The following DNAH6 variants were observed in gnomAD, a reference collection of about 807,000 sequenced individuals.
The protein encoded by DNAH6 is axonemal beta dynein heavy chain 6.
A neutral mutation model predicts 491.4 loss-of-function variants in DNAH6; 340 were observed. The observed-to-expected ratio is 0.69, with a 90% CI of 0.63 to 0.76. The LOEUF is 0.76. Among genes scored for constraint, DNAH6 ranks in the 30% least tolerant of loss-of-function variants. The probability of loss-of-function intolerance (pLI) is 0.00; values close to 1 mark genes in which losing one functional copy is unlikely to be tolerated. For synonymous variants in DNAH6, 1,603 were observed against 1,686.1 expected (o/e 0.95, Z 1.21); for missense variants, 4,443 against 4,972.2 (o/e 0.89, Z 3.20).
At chr2:84,611,637 G>A (rs1686346381) in intron 21 of DNAH6, 37 bp from the exon 22 acceptor site, 1 of 1,485,834 alleles carries the variant, frequency 6.7e-7, no homozygotes, top group East Asian at 2.5e-5. Context: ...TTTAATTGGG[G>A]AATTAAAATT....
intron 17 of DNAH6, among the ~76,000 whole-genome samples, 152 bp downstream of exon 17, chr2:84,594,237 C>G (rs968568568): frequency 7.2e-4 from 6 of 8,288 alleles, no homozygotes; most frequent in African/African-American, 1.2e-3. Context: ...TTTTTATAAG[C>G]TTTCCAGTGA....
chr2:84,699,673 G>C lies in DNAH6; in HGVS notation c.7757G>C (p.Arg2586Pro). The change falls in exon 48 of 77, where the codon CGG becomes CCG. Residue 2586 changes from arginine to proline, a missense_variant. Arg to Pro is a moderately radical substitution (Grantham distance 103). Coordinates refer to ENST00000389394, the MANE Select transcript of DNAH6 (RefSeq NM_001370.2). ...LCMSPVGEAF[R>P]SRCRMFPSLV... The stretch of plus-strand genomic sequence containing the variant: ...ATGAGCCCAGTTGGGGAGGCCTTTC[G>C]GTCCCGATGCAGGATGTTTCCATCC... 1 of 1,551,756 alleles carries C rather than the reference G, an allele frequency of 6.4e-7. No individual in the cohort carries two copies. Among genetic ancestry groups the C allele is most frequent in the Non-Finnish European group, 8.7e-7 (1 of 1,146,992 alleles).
intron 64 of DNAH6, among the ~76,000 whole-genome samples, chr2:84,776,915 T>C (rs1019825454): frequency 6.6e-6 from 1 of 152,198 alleles, no homozygotes; most frequent in Non-Finnish European, 1.5e-5. Flanking sequence ...TATGCAGCCA[T>C]GTAAAAGGAT....
At chr2:84,620,276 A>G (rs1333578310) in intron 24 of DNAH6, among the ~76,000 whole-genome samples, 1 of 152,170 alleles carries the variant, frequency 6.6e-6, no homozygotes, top group African/African-American at 2.4e-5. Flanking sequence ...GGGGATTAGT[A>G]ATTGTATCTG....
At chr2:84,648,274 C>T (rs150683244) in intron 33 of DNAH6, among the ~76,000 whole-genome samples, 224 of 152,302 alleles carry the variant, frequency 1.5e-3, no homozygotes, top group African/African-American at 5.2e-3. Context: ...GGGAGATGTA[C>T]AAGATGAATG....
chr2:84,663,588 G>A (rs1007862505), intron 37 of DNAH6, among the ~76,000 whole-genome samples: 88 of 152,282 alleles, frequency 5.8e-4, no homozygotes, highest in African/African-American at 1.9e-3. Flanking sequence ...CAAGATATAT[G>A]GGACTGTGTG....
intron 64 of DNAH6, among the ~76,000 whole-genome samples, chr2:84,774,445 C>T: frequency 6.6e-6 from 1 of 152,036 alleles, no homozygotes; most frequent in Non-Finnish European, 1.5e-5. Context: ...GTACCAGTAC[C>T]ATGCTGCTTT....
chr2:84,766,788 C>G (rs928089676), intron 64 of DNAH6, among the ~76,000 whole-genome samples: 2 of 152,112 alleles, frequency 1.3e-5, no homozygotes, highest in Non-Finnish European at 2.9e-5. Flanking sequence ...TGAAGTGAGC[C>G]AGACATTTTG....
chr2:84,743,817 G>T (rs565115614), intron 62 of DNAH6, among the ~76,000 whole-genome samples: 12 of 152,262 alleles, frequency 7.9e-5, no homozygotes, highest in African/African-American at 2.9e-4. Context: ...GCAAGAATCT[G>T]TCTCCAAATG....
At chr2:84,798,406 G>A (rs1217801366) in intron 70 of DNAH6, among the ~76,000 whole-genome samples, 1 of 152,148 alleles carries the variant, frequency 6.6e-6, no homozygotes, top group Non-Finnish European at 1.5e-5. Context: ...CAGACCTTTG[G>A]ACTGGCAGGC....
At chr2:84,754,927 T>C (rs1052549062) in intron 63 of DNAH6, among the ~76,000 whole-genome samples, 3 of 152,244 alleles carry the variant, frequency 2.0e-5, no homozygotes, top group African/African-American at 7.2e-5. Context: ...ATGTGGTGTT[T>C]TTCCACTTAT....
intron 62 of DNAH6, among the ~76,000 whole-genome samples, chr2:84,741,992 C>T (rs558899621): frequency 6.6e-5 from 10 of 152,342 alleles, no homozygotes; most frequent in East Asian, 5.8e-4. Flanking sequence ...TTCCTGGCTG[C>T]GCAAGCTAAC....
Position 84,733,468 on chromosome 2 carries a change from C to G in DNAH6, c.10231C>G (p.Pro3411Ala). The G allele has an allele frequency of 6.4e-7, 1 of 1,551,230 alleles. No individual in the cohort carries two copies. Residue 3411 changes from proline to alanine, a missense_variant, in exon 62 of 77, where the codon CCC becomes GCC. Pro to Ala is a conservative substitution (Grantham distance 27). Around this residue, in one of 3 missense-constraint regions of DNAH6, gnomAD observed 1,463 missense variants for 1,656.6 expected, o/e 0.88. Transcript: ENST00000389394. ...EKERPPKPEA[P>A]WLPTATWFAC... ...GGAACGCCCACCTAAGCCTGAAGCT[C>G]CCTGGCTACCTACTGCTACATGGTT... is the stretch of plus-strand genomic sequence containing the variant.
rs1277805154 is a variant in DNAH6 at position 84,588,911 on chromosome 2, A to G, written c.2567A>G (p.Gln856Arg). ...CTGCAATCTGTTCTGGCTGATCTTC[A>G]GAAACGTGCATTTCAGTATAAGTCC... is the stretch of plus-strand genomic sequence containing the variant. ...NNLQSVLADL[Q>R]KRAFQYKSYQ... The change falls in exon 16 of 77, where the codon CAG becomes CGG. Residue 856 changes from glutamine (Q) to arginine (R), a missense_variant. By Grantham distance (43) the Gln-to-Arg change is conservative. Coordinates refer to ENST00000389394, the MANE Select transcript of DNAH6 (RefSeq NM_001370.2). 3.9e-6 allele frequency: 6 copies of G among 1,550,710 alleles called. No homozygotes were observed. The highest frequency in any genetic ancestry group is 5.2e-6 in the Non-Finnish European group (6 of 1,146,534).
At chr2:84,485,885 A>G in the DNAH6 span, among the ~76,000 whole-genome samples, 1 of 151,834 alleles carries the variant, frequency 6.6e-6, no homozygotes, top group Non-Finnish European at 1.5e-5. Flanking sequence ...GGCACACAAG[A>G]TGCATTGCTG....
At chr2:84,675,157 A>T (rs947320705) in intron 40 of DNAH6, among the ~76,000 whole-genome samples, 2 of 152,142 alleles carry the variant, frequency 1.3e-5, no homozygotes, top group African/African-American at 4.8e-5. Flanking sequence ...ACCCTCATGG[A>T]GCACTGTGTG....
chr2:84,507,443 C>T, the DNAH6 span, among the ~76,000 whole-genome samples: 1 of 152,138 alleles, frequency 6.6e-6, no homozygotes, highest in Non-Finnish European at 1.5e-5. Flanking sequence ...CTGAAGTTGC[C>T]TATCAGCTTA....
At chr2:84,617,463 G>A (rs1293673130) in intron 23 of DNAH6, among the ~76,000 whole-genome samples, 1 of 151,888 alleles carries the variant, frequency 6.6e-6, no homozygotes, top group East Asian at 1.9e-4. Flanking sequence ...TAGTCACCCT[G>A]TTGTACTATC....
intron 72 of DNAH6, among the ~76,000 whole-genome samples, chr2:84,808,777 T>G (rs1180335434): frequency 6.6e-6 from 1 of 152,224 alleles, no homozygotes; most frequent in Non-Finnish European, 1.5e-5. Context: ...CTCCTCCTTA[T>G]CCTTACACCC....
Sources: gnomAD v4.1 joint callset for allele counts (sites outside exome capture counted in the v4.1 genomes callset) on GRCh38, gnomAD v4.1.1 for gene constraint, gnomAD v4.1.1 regional missense constraint, MANE v1.5 for transcripts, NCBI Gene and HGNC (gene_info 2026-07-23, HGNC 2026-07-21) for gene names.